Variants in BDNF observed in about 807,000 individuals in gnomAD.
BDNF encodes neurotrophic factor BDNF precursor form.
Under a neutral mutation model 19.5 loss-of-function variants are expected in BDNF, and 1 was observed. The observed-to-expected ratio is 0.05, with a 90% CI of 0.02 to 0.24. The LOEUF (loss-of-function observed/expected upper bound fraction) is 0.24. Ranked by LOEUF, BDNF falls within the 10% of genes least tolerant of loss-of-function variation. The pLI is 1.00. For missense variants in BDNF, 195 were observed against 317.6 expected (o/e 0.61, Z 2.93); for synonymous variants, 100 against 121.6 (o/e 0.82, Z 1.17).
upstream of BDNF, chr11:27,700,586 C>T (rs1220413258): frequency 1.0e-6 from 1 of 962,562 alleles, no homozygotes; most frequent in Admixed American, 6.9e-5. Context: ...CCGTTCGAGG[C>T]GGCCGCTTAA....
upstream of BDNF, among the ~76,000 whole-genome samples, chr11:27,703,203 C>T (rs1194567332): frequency 2.0e-5 from 3 of 152,034 alleles, no homozygotes; most frequent in Admixed American, 2.0e-4. Context: ...CCCCACAGAC[C>T]CTCTGCGTTG....
chr11:27,719,013 G>A (rs1477941443), intron 1 of BDNF, among the ~76,000 whole-genome samples: 1 of 152,128 alleles, frequency 6.6e-6, no homozygotes, highest in Non-Finnish European at 1.5e-5. Flanking sequence ...GTGGGGGTGA[G>A]GGTTATAGGA....
At chr11:27,704,262 C>T (rs530668553), upstream of BDNF, among the ~76,000 whole-genome samples, 6 of 152,192 alleles carry the variant, frequency 3.9e-5, no homozygotes, top group South Asian at 1.0e-3. Flanking sequence ...ATTGTGAATT[C>T]GTCTGAATCT....
chr11:27,701,413 G>A, upstream of BDNF: 2 of 1,039,982 alleles, frequency 1.9e-6, no homozygotes, highest in South Asian at 3.5e-5. Context: ...AATTAAAGGG[G>A]GGAGGGGGCG....
chr11:27,696,916 GCTGT>G (rs546567045), intron 1 of BDNF, among the ~76,000 whole-genome samples: 1 of 152,142 alleles, frequency 6.6e-6, no homozygotes, highest in Non-Finnish European at 1.5e-5. Context: ...CACTCTCTAT[GCTGT>G]CTGTTTTTAT....
At chr11:27,720,709 G>C (rs1011353719) in intron 1 of BDNF, 1 of 985,716 alleles carries the variant, frequency 1.0e-6, no homozygotes, top group African/African-American at 1.7e-5. Context: ...GACTCCTATC[G>C]CCCGGATTAC....
upstream of BDNF, among the ~76,000 whole-genome samples, chr11:27,702,867 T>C (rs2134093364): frequency 6.6e-6 from 1 of 152,258 alleles, no homozygotes. Context: ...ACTCAAGAAT[T>C]CCTGCTAGAA....
chr11:27,666,148 A>G (rs1854286252), intron 1 of BDNF, among the ~76,000 whole-genome samples: 1 of 146,568 alleles, frequency 6.8e-6, no homozygotes, highest in East Asian at 2.0e-4. Context: ...GTGATACCCA[A>G]GCAAACAGGG....
At chr11:27,704,653 C>A (rs2134095913), upstream of BDNF, among the ~76,000 whole-genome samples, 1 of 152,296 alleles carries the variant, frequency 6.6e-6, no homozygotes, top group African/African-American at 2.4e-5. Flanking sequence ...ACAGAAAACT[C>A]TGCTGTTGAG....
In BDNF at chr11:27,658,154, C is replaced by A. The variant is rs1200786887; in HGVS notation, c.411G>T (p.Glu137Asp). 2 of 1,614,174 alleles carry A rather than the reference C, an allele frequency of 1.2e-6. No individual in the cohort carries two copies. The highest frequency in any genetic ancestry group is 1.7e-6 in the Non-Finnish European group (2 of 1,180,030). ...RRHSDPARRGELSVCDSISEW... is the reference protein window; with the variant it reads ...RRHSDPARRGDLSVCDSISEW... ...CACTAATACTGTCACACACGCTCAG[C>A]TCCCCTCGGCGGGCAGGGTCAGAGT... Residue 137 changes from glutamate (E) to aspartate (D), a missense_variant, in exon 2 of 2, where the codon GAG becomes GAT. Around this residue, in one of 2 missense-constraint regions of BDNF, gnomAD observed 71 missense variants for 162.6 expected, o/e 0.44. Transcript: ENST00000356660. This position sits in a 1 kb window ranked among gnomAD's most constrained non-coding sequence, Gnocchi z 5.7.
chr11:27,704,716 T>C (rs1434227678), upstream of BDNF, among the ~76,000 whole-genome samples: 1 of 152,234 alleles, frequency 6.6e-6, no homozygotes, highest in African/African-American at 2.4e-5. Context: ...AAAGGCCTGG[T>C]CCAATGTTAA....
In BDNF at chr11:27,657,865, C is replaced by T. The variant is rs761800998; in HGVS notation, c.700G>A (p.Asp234Asn). The T allele has an allele frequency of 3.1e-6, 5 of 1,614,162 alleles. No individual in the cohort carries two copies. In the South Asian group the frequency reaches 5.5e-5, roughly 18 times the overall value. The change falls in exon 2 of 2, where the codon GAC becomes AAC. Residue 234 changes from aspartate to asparagine, a missense_variant. Transcript: ENST00000356660. The surrounding 1 kb of genome is among the most constrained non-coding windows in gnomAD (Gnocchi z 5.0). ...KRIGWRFIRI[D>N]TSCVCTLTIK... ...GTCAATGTACATACACAAGAAGTGT[C>T]TATCCTTATGAATCGCCAGCCAATT...
intron 1 of BDNF, among the ~76,000 whole-genome samples, chr11:27,711,459 A>C (rs550692907): frequency 6.0e-4 from 91 of 152,350 alleles, no homozygotes; most frequent in Non-Finnish European, 1.0e-3. Flanking sequence ...CTGGAAATGA[A>C]TTGTGAGACT....
At chr11:27,669,589 C>T (rs1199844151) in intron 1 of BDNF, among the ~76,000 whole-genome samples, 1 of 152,144 alleles carries the variant, frequency 6.6e-6, no homozygotes, top group African/African-American at 2.4e-5. Context: ...GTGCAAAAAT[C>T]ACAAGCATTC....
intron 1 of BDNF, among the ~76,000 whole-genome samples, chr11:27,673,855 G>A (rs1020546864): frequency 5.9e-5 from 9 of 152,012 alleles, no homozygotes; most frequent in African/African-American, 1.5e-4. Flanking sequence ...TGAAGGGACC[G>A]CACTAGATTA....
At chr11:27,677,771 TAATTA>T (rs1455964784) in intron 1 of BDNF, 1 of 152,244 alleles carries the variant, frequency 6.6e-6, no homozygotes, top group Non-Finnish European at 1.5e-5. Flanking sequence ...AACTGTCAAA[TAATTA>T]AATTAAAAAT....
intron 1 of BDNF, among the ~76,000 whole-genome samples, chr11:27,708,767 A>G (rs1860210246): frequency 6.7e-6 from 1 of 150,144 alleles, no homozygotes; most frequent in Admixed American, 6.6e-5. Context: ...ATGAGCAAAC[A>G]TTTTCTAACG....
At chr11:27,710,457 AC>A (rs1860278525) in intron 1 of BDNF, among the ~76,000 whole-genome samples, 1 of 152,222 alleles carries the variant, frequency 6.6e-6, no homozygotes, top group African/African-American at 2.4e-5. Flanking sequence ...GACACAAAGG[AC>A]CCAGACACCA....
intron 1 of BDNF, among the ~76,000 whole-genome samples, chr11:27,690,529 CT>C: frequency 6.6e-6 from 1 of 152,212 alleles, no homozygotes; most frequent in Non-Finnish European, 1.5e-5. Flanking sequence ...TGATGCCAAA[CT>C]GTGCTCCGAT....
Sources: allele counts gnomAD v4.1 joint callset (sites outside exome capture counted in the v4.1 genomes callset), GRCh38; gene constraint gnomAD v4.1.1; regional missense constraint gnomAD v4.1.1; non-coding constraint Gnocchi (gnomAD v3.1); transcripts MANE v1.5; gene names NCBI Gene and HGNC (gene_info 2026-07-23, HGNC 2026-07-21).